The following NAALADL2 variants were observed in gnomAD, a reference collection of about 807,000 sequenced individuals.
NAALADL2 encodes the protein inactive N-acetylated-alpha-linked acidic dipeptidase-like protein 2.
A neutral mutation model predicts 87.2 loss-of-function variants in NAALADL2; 76 were observed. That is an observed-to-expected ratio of 0.87 (90% confidence interval 0.72 to 1.05). The LOEUF (loss-of-function observed/expected upper bound fraction) is 1.05, where lower values mean the gene tolerates loss of function less well. Among genes scored for constraint, NAALADL2 ranks in the 50% least tolerant of loss-of-function variants. The pLI, the probability that NAALADL2 is intolerant of heterozygous loss-of-function variation, is 0.00. For synonymous variants in NAALADL2, 354 were observed against 331.0 expected (o/e 1.07, Z -0.75); for missense variants, 1,089 against 945.8 (o/e 1.15, Z -1.99).
At chr3:174,868,955 A>T (rs1332406039) in intron 1 of NAALADL2, among the ~76,000 whole-genome samples, 2 of 152,208 alleles carry the variant, frequency 1.3e-5, no homozygotes, top group Non-Finnish European at 2.9e-5. Context: ...GGAAGAAGAC[A>T]TGAATAATGA....
At chr3:175,576,285 T>C in intron 10 of NAALADL2, 98 bp downstream of exon 10, 1 of 1,120,750 alleles carries the variant, frequency 8.9e-7, no homozygotes. Context: ...ATCAAATAGG[T>C]CACTATAGAA....
intron 2 of NAALADL2, among the ~76,000 whole-genome samples, chr3:175,099,200 AAAAT>A (rs1483018863): frequency 3.3e-5 from 5 of 152,140 alleles, no homozygotes; most frequent in African/African-American, 1.2e-4. Context: ...TATAAAATTT[AAAAT>A]AAATAATAAT....
chr3:175,429,903 C>T (rs373164899), intron 5 of NAALADL2, among the ~76,000 whole-genome samples: 1 of 151,746 alleles, frequency 6.6e-6, no homozygotes, highest in South Asian at 2.1e-4. Flanking sequence ...TAACATTATA[C>T]AATTATTTTA....
chr3:175,149,483 A>G (rs996644165), intron 2 of NAALADL2, among the ~76,000 whole-genome samples: 2 of 152,142 alleles, frequency 1.3e-5, no homozygotes, highest in Admixed American at 1.3e-4. Context: ...ATCAAATACC[A>G]CATTGTGTAA....
At chr3:175,067,261 A>C (rs999125377) in intron 1 of NAALADL2, among the ~76,000 whole-genome samples, 6 of 152,124 alleles carry the variant, frequency 3.9e-5, no homozygotes, top group African/African-American at 1.4e-4. Context: ...AATTAAACTG[A>C]AGAGCTTTGG....
chr3:175,531,192 C>A (rs1734045639), intron 9 of NAALADL2, among the ~76,000 whole-genome samples: 1 of 152,126 alleles, frequency 6.6e-6, no homozygotes, highest in Non-Finnish European at 1.5e-5. Context: ...CCTTTCAGGT[C>A]ATTCGATAAA....
chr3:175,416,119 C>T (rs530672491), intron 5 of NAALADL2, among the ~76,000 whole-genome samples: 2 of 151,682 alleles, frequency 1.3e-5, no homozygotes, highest in African/African-American at 4.8e-5. Context: ...AAGACCTCAT[C>T]TTAAAATAAA....
chr3:175,297,639 T>A (rs1381936991), intron 4 of NAALADL2, among the ~76,000 whole-genome samples: 1 of 152,186 alleles, frequency 6.6e-6, no homozygotes, highest in Non-Finnish European at 1.5e-5. Context: ...CCACTAACCA[T>A]TGGTAATTCA....
chr3:175,232,161 GGGA>G (rs1056255637), intron 2 of NAALADL2, among the ~76,000 whole-genome samples: 2 of 151,090 alleles, frequency 1.3e-5, no homozygotes, highest in African/African-American at 4.9e-5. Flanking sequence ...AAGAAGAAGG[GGGA>G]GGAGGAGGAG....
chr3:174,805,350 C>T (rs1719338307), intron 3 of NAALADL2, among the ~76,000 whole-genome samples: 1 of 152,068 alleles, frequency 6.6e-6, no homozygotes, highest in South Asian at 2.1e-4. Context: ...AGGATTACTT[C>T]GTTGTTCTAA....
intron 5 of NAALADL2, among the ~76,000 whole-genome samples, chr3:175,371,740 C>G (rs903763392): frequency 6.6e-6 from 1 of 151,672 alleles, no homozygotes; most frequent in Admixed American, 6.6e-5. Context: ...AGGAGAATCA[C>G]TTGAACCCAG....
At chr3:175,335,950 G>C (rs73047265) in intron 5 of NAALADL2, among the ~76,000 whole-genome samples, 2 of 152,190 alleles carry the variant, frequency 1.3e-5, no homozygotes, top group South Asian at 4.2e-4. Flanking sequence ...TGCTGGAAAC[G>C]TGTCAGGTAA....
chr3:175,328,882 T>G (rs1761074791), intron 5 of NAALADL2, among the ~76,000 whole-genome samples: 2 of 152,178 alleles, frequency 1.3e-5, no homozygotes, highest in South Asian at 4.1e-4. Flanking sequence ...AATATGTATC[T>G]TTAAGTAGTA....
At chr3:175,582,840 A>G (rs777997661) in intron 10 of NAALADL2, among the ~76,000 whole-genome samples, 11 of 152,212 alleles carry the variant, frequency 7.2e-5, no homozygotes, top group African/African-American at 1.4e-4. Flanking sequence ...CTGATTGACA[A>G]TTTCCACTCC....
chr3:174,661,919 C>A (rs1450521901), intron 2 of NAALADL2, among the ~76,000 whole-genome samples: 2 of 152,032 alleles, frequency 1.3e-5, no homozygotes, highest in Admixed American at 1.3e-4. Context: ...AGTGAAACAT[C>A]TTGGAAATAG....
intron 5 of NAALADL2, among the ~76,000 whole-genome samples, chr3:175,399,559 G>A (rs1275308279): frequency 1.3e-5 from 2 of 152,068 alleles, no homozygotes; most frequent in South Asian, 4.1e-4. Flanking sequence ...TCCTGATGTT[G>A]CCATGGCATT....
At chr3:175,022,699 C>A (rs9878842) in intron 1 of NAALADL2, among the ~76,000 whole-genome samples, 2,213 of 152,198 alleles carry the variant, frequency 0.015, 59 homozygotes, top group African/African-American at 0.051. Flanking sequence ...CAAATCCTTG[C>A]CTGCCAACTC....
At chr3:175,140,330 A>G (rs989853527) in intron 2 of NAALADL2, among the ~76,000 whole-genome samples, 4 of 152,126 alleles carry the variant, frequency 2.6e-5, no homozygotes, top group African/African-American at 7.2e-5. Context: ...GTGGGACTAG[A>G]AAATGTACTA....
intron 9 of NAALADL2, among the ~76,000 whole-genome samples, chr3:175,557,558 C>T (rs902800583): frequency 6.6e-6 from 1 of 152,176 alleles, no homozygotes; most frequent in Non-Finnish European, 1.5e-5. Context: ...TCCCCAACTA[C>T]CGTTCCCAGC....
Sources: allele counts gnomAD v4.1 joint callset (sites outside exome capture counted in the v4.1 genomes callset), GRCh38; gene constraint gnomAD v4.1.1; transcripts MANE v1.5; gene names NCBI Gene and HGNC (gene_info 2026-07-23, HGNC 2026-07-21).